Variants in SVOPL observed in about 807,000 individuals in gnomAD.
SVOPL encodes the protein putative transporter SVOPL.
In SVOPL, 60 loss-of-function variants were observed where a neutral mutation model predicts 61.0. The observed-to-expected ratio is 0.98, with a 90% CI of 0.80 to 1.22. The LOEUF is 1.22. SVOPL is among the 50% of genes most tolerant of loss of function. The pLI is 0.00. For synonymous variants in SVOPL, 279 were observed against 250.0 expected (o/e 1.12, Z -1.09); for missense variants, 662 against 643.9 (o/e 1.03, Z -0.30).
chr7:138,620,115 T>C (rs1799487813), intron 14 of SVOPL, among the ~76,000 whole-genome samples: 2 of 137,616 alleles, frequency 1.5e-5, no homozygotes, highest in Non-Finnish European at 3.1e-5. Flanking sequence ...TTTGTTTTTT[T>C]TCTGTTTTGT....
chr7:138,691,845 T>G (rs1802951058), intron 1 of SVOPL, among the ~76,000 whole-genome samples: 1 of 151,004 alleles, frequency 6.6e-6, no homozygotes, highest in Non-Finnish European at 1.5e-5. Context: ...CCAGCCCAAG[T>G]TTTTATTTAT....
At chr7:138,699,783 G>C (rs2117153870) in intron 1 of SVOPL, among the ~76,000 whole-genome samples, 1 of 152,302 alleles carries the variant, frequency 6.6e-6, no homozygotes, top group Admixed American at 6.5e-5. Context: ...CGAGGAGCAA[G>C]TCAGCCCTCG....
intron 9 of SVOPL, among the ~76,000 whole-genome samples, chr7:138,632,304 C>G (rs191534794): frequency 1.3e-5 from 2 of 152,132 alleles, no homozygotes; most frequent in Non-Finnish European, 2.9e-5. Context: ...CGTGATGGCA[C>G]GCACCTGTAA....
intron 1 of SVOPL, among the ~76,000 whole-genome samples, chr7:138,697,935 T>A (rs760031617): frequency 5.9e-5 from 9 of 151,360 alleles, no homozygotes; most frequent in Non-Finnish European, 8.8e-5. Flanking sequence ...TCTTTACGTA[T>A]AATTTTATGC....
intron 14 of SVOPL, among the ~76,000 whole-genome samples, chr7:138,604,680 A>G (rs1156263022): frequency 6.8e-6 from 1 of 147,172 alleles, no homozygotes; most frequent in African/African-American, 2.5e-5. Context: ...TTTATCTCAA[A>G]AAAAAAAAAA....
chr7:138,631,877 C>T (rs1384124468), intron 9 of SVOPL, among the ~76,000 whole-genome samples: 1 of 151,546 alleles, frequency 6.6e-6, no homozygotes, highest in African/African-American at 2.4e-5. Flanking sequence ...CAGGCTCACT[C>T]TCCTTTTAGT....
At chr7:138,635,394 A>C (rs901816680) in intron 9 of SVOPL, among the ~76,000 whole-genome samples, 2 of 149,562 alleles carry the variant, frequency 1.3e-5, no homozygotes, top group Non-Finnish European at 3.0e-5. Context: ...GCTTTATTTT[A>C]CTTTTTTTTT....
intron 1 of SVOPL, chr7:138,688,960 G>A (rs1201684133): frequency 8.3e-6 from 5 of 600,218 alleles, no homozygotes; most frequent in South Asian, 6.1e-5. Context: ...TTCCCTAAGC[G>A]GCCTGAGGTG....
intron 1 of SVOPL, among the ~76,000 whole-genome samples, chr7:138,685,669 G>T (rs988087617): frequency 6.6e-6 from 1 of 152,050 alleles, no homozygotes; most frequent in African/African-American, 2.4e-5. Flanking sequence ...AGACCAGCCT[G>T]GCCAACATGG....
At chr7:138,679,171 AAGCCC>A in intron 1 of SVOPL, 92 bp from the exon 2 acceptor site, 2 of 845,960 alleles carry the variant, frequency 2.4e-6, no homozygotes, top group Non-Finnish European at 1.8e-6. Context: ...AAATTTCCTG[AAGCCC>A]TCACAAAAAT....
chr7:138,643,390 A>G (rs1027940471), intron 9 of SVOPL, among the ~76,000 whole-genome samples: 3 of 137,674 alleles, frequency 2.2e-5, no homozygotes, highest in Non-Finnish European at 3.0e-5. Context: ...ACGCCACTGC[A>G]CTCCAGCCTG....
At chr7:138,616,297 G>A (rs1336836369) in intron 14 of SVOPL, among the ~76,000 whole-genome samples, 2 of 152,108 alleles carry the variant, frequency 1.3e-5, no homozygotes, top group East Asian at 3.8e-4. Context: ...TATTGGCAGA[G>A]GCCTTGCACT....
chr7:138,605,274 G>A (rs1173214242), intron 14 of SVOPL, among the ~76,000 whole-genome samples: 1 of 151,034 alleles, frequency 6.6e-6, no homozygotes, highest in East Asian at 1.9e-4. Flanking sequence ...ATCCTCAAAA[G>A]TGCCAGGACT....
chr7:138,643,242 T>C (rs376858925), intron 9 of SVOPL, among the ~76,000 whole-genome samples: 1 of 151,898 alleles, frequency 6.6e-6, no homozygotes, highest in Non-Finnish European at 1.5e-5. Flanking sequence ...CTGGTCAACA[T>C]GGTGAAACCC....
At chr7:138,629,576 C>T (rs531730031) in intron 10 of SVOPL, among the ~76,000 whole-genome samples, 2 of 152,228 alleles carry the variant, frequency 1.3e-5, no homozygotes, top group Non-Finnish European at 2.9e-5. Flanking sequence ...TCCTAAGTTC[C>T]TAATTTAATG....
intron 4 of SVOPL, among the ~76,000 whole-genome samples, chr7:138,666,830 C>T (rs78782800): frequency 0.012 from 1,803 of 152,312 alleles, 21 homozygotes; most frequent in South Asian, 0.057. Context: ...CCCTCACAAA[C>T]ATGTATAGCT....
Position 138,615,664 on chromosome 7 carries a change from A to G in SVOPL, c.1353+5382T>C, listed in dbSNP as rs76863288. Reference sequence around the variant, plus strand: ...ACAAAAATTAGCTAGGCATGGTGGCAGGTGCCTGTAGTCTCAGCTACTTGG... The same window carrying G: ...ACAAAAATTAGCTAGGCATGGTGGCGGGTGCCTGTAGTCTCAGCTACTTGG... On this transcript the variant is annotated intron_variant, in intron 14 of 15. Transcript: ENST00000674285. 2.3e-5 allele frequency among the ~76,000 whole-genome samples: 2 copies of G among 86,772 alleles called. 1 individual carries two copies. Among genetic ancestry groups the G allele is most frequent in the Non-Finnish European group, 5.2e-5 (2 of 38,236 alleles). 56.9% of individuals were successfully genotyped at this position (86,772 alleles called of 152,430 possible). A position where few individuals can be genotyped will look rare whatever the true frequency, so the allele number is the denominator to read the frequency against.
chr7:138,675,879 C>T (rs2117116984), intron 3 of SVOPL, among the ~76,000 whole-genome samples: 1 of 152,270 alleles, frequency 6.6e-6, no homozygotes, highest in South Asian at 2.1e-4. Flanking sequence ...TGCTCTGTTG[C>T]CCAGGCTGGA....
chr7:138,598,309 CAAAT>C (rs937120591), intron 14 of SVOPL, among the ~76,000 whole-genome samples: 21 of 152,176 alleles, frequency 1.4e-4, no homozygotes, highest in African/African-American at 4.8e-4. Context: ...GGTTATACAT[CAAAT>C]AAAAGAGCTT....
Sources: gnomAD v4.1 joint callset for allele counts (sites outside exome capture counted in the v4.1 genomes callset) on GRCh38, gnomAD v4.1.1 for gene constraint, MANE v1.5 for transcripts, NCBI Gene and HGNC (gene_info 2026-07-23, HGNC 2026-07-21) for gene names.